IGF2BP2: variants seen among roughly 807,000 people sequenced by gnomAD.
IGF2BP2 encodes insulin-like growth factor 2 mRNA-binding protein 2.
IGF2BP2 carries 17 observed loss-of-function variants against 75.8 expected under a neutral mutation model. That is an observed-to-expected ratio of 0.22 (90% CI 0.15 to 0.34). IGF2BP2 has a LOEUF of 0.34. IGF2BP2 is among the 10% of genes least tolerant of loss of function. The pLI is 1.00. For missense variants in IGF2BP2, 516 were observed against 772.4 expected (o/e 0.67, Z 3.93); for synonymous variants, 288 against 295.6 (o/e 0.97, Z 0.26).
chr3:185,777,971 G>A (rs1188041129), intron 2 of IGF2BP2, among the ~76,000 whole-genome samples: 1 of 151,938 alleles, frequency 6.6e-6, no homozygotes, highest in Non-Finnish European at 1.5e-5. Context: ...TTGAACCCAG[G>A]AGGTGGAGGT....
At chr3:185,740,379 A>G (rs1156832992) in intron 2 of IGF2BP2, among the ~76,000 whole-genome samples, 3 of 152,180 alleles carry the variant, frequency 2.0e-5, no homozygotes, top group African/African-American at 4.8e-5. Context: ...TCAATAACAC[A>G]CAGTTTCCCA....
At chr3:185,683,181 C>G (rs1720636021) in intron 7 of IGF2BP2, among the ~76,000 whole-genome samples, 1 of 152,044 alleles carries the variant, frequency 6.6e-6, no homozygotes, top group Non-Finnish European at 1.5e-5. Flanking sequence ...GTAAAATAAG[C>G]CAGTCACAAA....
At chr3:185,717,513 T>C (rs1053638272) in intron 2 of IGF2BP2, 3 of 152,192 alleles carry the variant, frequency 2.0e-5, no homozygotes, top group Non-Finnish European at 4.4e-5. Context: ...CTTTGTTCAA[T>C]GTCAGAGATA....
chr3:185,769,366 TA>T (rs1372819056), intron 2 of IGF2BP2, among the ~76,000 whole-genome samples: 34 of 151,474 alleles, frequency 2.2e-4, no homozygotes, highest in African/African-American at 8.2e-4. Flanking sequence ...AAATTTTTTT[TA>T]AAAAAAAGGT....
At chr3:185,713,068 A>ATATGTATGTG (rs1190142482) in intron 2 of IGF2BP2, among the ~76,000 whole-genome samples, 5 of 148,708 alleles carry the variant, frequency 3.4e-5, no homozygotes, top group Non-Finnish European at 7.4e-5. Flanking sequence ...TGCCCTACAG[A>ATATGTATGTG]TATGTATGTG....
intron 7 of IGF2BP2, among the ~76,000 whole-genome samples, chr3:185,686,090 A>G (rs1002866066): frequency 5.9e-5 from 9 of 152,376 alleles, no homozygotes; most frequent in Middle Eastern, 3.4e-3. Context: ...ACTTCATAAA[A>G]TAAGGGGAAA....
At chr3:185,707,963 A>C (rs1724284731) in intron 2 of IGF2BP2, among the ~76,000 whole-genome samples, 1 of 152,212 alleles carries the variant, frequency 6.6e-6, no homozygotes, top group African/African-American at 2.4e-5. Context: ...TATTTGATGA[A>C]GTCTAATGTT....
intron 11 of IGF2BP2, 145 bp downstream of exon 11, chr3:185,658,196 C>T (rs1224479229): frequency 1.3e-6 from 1 of 783,450 alleles, no homozygotes; most frequent in Non-Finnish European, 2.1e-6. Flanking sequence ...TTGGCGTGCT[C>T]AGGCTTTGAG....
intron 2 of IGF2BP2, among the ~76,000 whole-genome samples, chr3:185,796,617 GAA>G (rs539355035): frequency 2.0e-4 from 15 of 75,926 alleles, no homozygotes; most frequent in South Asian, 9.9e-4. Flanking sequence ...CCTGAGCTAG[GAA>G]AAAAAAAAAA....
At chr3:185,703,859 G>A (rs750753) in intron 2 of IGF2BP2, among the ~76,000 whole-genome samples, 61,045 of 151,994 alleles carry the variant, frequency 0.4, 12,494 homozygotes, top group South Asian at 0.48. Context: ...CAGGCATATG[G>A]TCTATTAGCC....
intron 2 of IGF2BP2, among the ~76,000 whole-genome samples, chr3:185,714,706 G>T (rs1725330719): frequency 6.6e-6 from 1 of 152,122 alleles, no homozygotes. Flanking sequence ...CCAGCACTTT[G>T]GGAGGCCAAG....
intron 2 of IGF2BP2, among the ~76,000 whole-genome samples, chr3:185,744,395 AG>A (rs1295828169): frequency 1.3e-5 from 2 of 152,366 alleles, no homozygotes; most frequent in East Asian, 3.8e-4. Context: ...GCAAAAAAAA[AG>A]AACAAAAGGT....
At chr3:185,660,369 C>T (rs147328154) in intron 10 of IGF2BP2, among the ~76,000 whole-genome samples, 6 of 152,318 alleles carry the variant, frequency 3.9e-5, no homozygotes, top group South Asian at 4.1e-4. Context: ...AGGCAATGCC[C>T]TCCATCCCCC....
intron 2 of IGF2BP2, among the ~76,000 whole-genome samples, chr3:185,796,465 A>G (rs1045730519): frequency 1.3e-5 from 2 of 150,026 alleles, no homozygotes; most frequent in Non-Finnish European, 3.0e-5. Flanking sequence ...CAGGGGCCTG[A>G]GGTAGGAGAA....
chr3:185,743,607 G>A (rs913215226), intron 2 of IGF2BP2, among the ~76,000 whole-genome samples: 1 of 152,164 alleles, frequency 6.6e-6, no homozygotes, highest in Non-Finnish European at 1.5e-5. Context: ...TACTTTTCCT[G>A]TTTTTTGAAC....
rs187303980 is a variant in IGF2BP2, at chr3:185,793,113, T to C, written c.239+30040A>G. 4.6e-5 allele frequency among the ~76,000 whole-genome samples: 7 copies of C among 152,346 alleles called. No homozygotes were observed. In the East Asian group the frequency reaches 5.8e-4, roughly 13 times the overall value. On this transcript the variant is annotated intron_variant, in intron 2 of 15. Transcript: ENST00000382199. ...GGCTACTGATTCTATTCTAGTCTTC[T>C]GGAATTATCTTACTGCGCAATTATA... is the stretch of plus-strand genomic sequence containing the variant.
intron 6 of IGF2BP2, among the ~76,000 whole-genome samples, chr3:185,688,338 C>A (rs1317594086): frequency 6.6e-6 from 1 of 152,116 alleles, no homozygotes; most frequent in Non-Finnish European, 1.5e-5. Flanking sequence ...CAGACAGGAA[C>A]CCTCTATTTA....
chr3:185,645,493 T>C lies in IGF2BP2; in HGVS notation c.*38A>G. The C allele has an allele frequency of 7.1e-7, 1 of 1,399,496 alleles. No homozygotes were observed. Among genetic ancestry groups the C allele is most frequent in the Non-Finnish European group, 1.0e-6 (1 of 984,656 alleles). 86.7% of individuals were successfully genotyped at this position (1,399,496 alleles called of 1,614,324 possible). On this transcript the variant is annotated 3_prime_UTR_variant, in exon 16 of 16. Coordinates refer to ENST00000382199, the MANE Select transcript of IGF2BP2 (RefSeq NM_006548.6). This position sits in a 1 kb window ranked among gnomAD's most constrained non-coding sequence, Gnocchi z 4.9. The stretch of plus-strand genomic sequence containing the variant: ...TCATTCTGTCAGGTGTTGGAAGGGC[T>C]ACATTCATCCGTTGTTTTGCTGGTG...
rs1253170500 is a variant in IGF2BP2 at position 185,756,806 on chromosome 3, C to A, written c.240-58459G>T. 3.3e-5 allele frequency among the ~76,000 whole-genome samples: 5 copies of A among 152,118 alleles called. No individual in the cohort carries two copies. The South Asian group carries it at 1.0e-3, about 32-fold the overall frequency. On this transcript the variant is annotated intron_variant, in intron 2 of 15. Coordinates refer to ENST00000382199, the MANE Select transcript of IGF2BP2 (RefSeq NM_006548.6). ...TGGGAAACACAGCAAAACTCCATCTCTACAAAATTAAAACAAAAATTAGCC... is the reference window on the plus strand; with the variant it reads ...TGGGAAACACAGCAAAACTCCATCTATACAAAATTAAAACAAAAATTAGCC...
Sources: allele counts gnomAD v4.1 joint callset (sites outside exome capture counted in the v4.1 genomes callset), GRCh38; gene constraint gnomAD v4.1.1; non-coding constraint Gnocchi (gnomAD v3.1); transcripts MANE v1.5; gene names NCBI Gene and HGNC (gene_info 2026-07-23, HGNC 2026-07-21).